Variants in GAS2 observed in about 807,000 individuals in gnomAD.
GAS2 encodes the protein growth arrest specific 2.
In GAS2, 20 loss-of-function variants were observed where a neutral mutation model predicts 37.5. The ratio of observed to expected loss-of-function variants is 0.53; its 90% CI spans 0.37 to 0.77. The LOEUF (loss-of-function observed/expected upper bound fraction) is 0.77, where lower values mean the gene tolerates loss of function less well. GAS2 is among the 30% of genes least tolerant of loss of function. The pLI, the probability that GAS2 is intolerant of heterozygous loss-of-function variation, is 0.00. For missense variants in GAS2, 336 were observed against 373.4 expected (o/e 0.90, Z 0.82); for synonymous variants, 144 against 132.2 (o/e 1.09, Z -0.61).
At chr11:22,792,861 T>C (rs1453868484) in intron 7 of GAS2, among the ~76,000 whole-genome samples, 1 of 152,230 alleles carries the variant, frequency 6.6e-6, no homozygotes, top group Admixed American at 6.5e-5. Flanking sequence ...CTACTCATAT[T>C]GGAAAATGAG....
At chr11:22,639,035 G>A (rs1858876863) in intron 1 of GAS2, among the ~76,000 whole-genome samples, 1 of 152,120 alleles carries the variant, frequency 6.6e-6, no homozygotes, top group Non-Finnish European at 1.5e-5. Context: ...ACTATAAAGA[G>A]CAAGCTGGAA....
upstream of GAS2, among the ~76,000 whole-genome samples, chr11:22,666,063 G>C (rs1177517471): frequency 6.6e-6 from 1 of 152,250 alleles, no homozygotes; most frequent in Admixed American, 6.5e-5. Flanking sequence ...AGGTGAATCA[G>C]ACACTTGAAC....
Position 22,757,140 on chromosome 11 carries a change from C to T in GAS2, c.723+1187C>T, listed in dbSNP as rs138952158. On this transcript the variant is annotated intron_variant, in intron 7 of 7. Transcript: ENST00000454584. ...TTGTAATAAAAGTGTTAATAAAGCA[C>T]ATGATTAATAAATTATATACTTCTC... Among the ~76,000 whole-genome samples, 1,072 of 152,118 alleles carry T rather than the reference C, an allele frequency of 7.0e-3. 9 individuals are homozygous for T. The highest frequency in any genetic ancestry group is 0.017 in the Middle Eastern group (5 of 292).
At chr11:22,688,311 A>G (rs337472) in intron 3 of GAS2, 2 of 151,912 alleles carry the variant, frequency 1.3e-5, no homozygotes, top group Admixed American at 6.6e-5. Flanking sequence ...AGACCCTTGT[A>G]AGTATTTTCG....
At chr11:22,808,935 C>G (rs1483265696) in intron 7 of GAS2, among the ~76,000 whole-genome samples, 1 of 152,132 alleles carries the variant, frequency 6.6e-6, no homozygotes, top group Non-Finnish European at 1.5e-5. Context: ...GATTTTATTT[C>G]TTTAGTGAAA....
chr11:22,656,785 GAT>G (rs1491277998), intron 1 of GAS2, among the ~76,000 whole-genome samples: 1 of 151,690 alleles, frequency 6.6e-6, no homozygotes, highest in African/African-American at 2.4e-5. Context: ...TGTTTGTCAT[GAT>G]GTGTGTGTGT....
intron 1 of GAS2, among the ~76,000 whole-genome samples, chr11:22,634,280 A>C (rs1239117470): frequency 6.6e-6 from 1 of 152,202 alleles, no homozygotes; most frequent in African/African-American, 2.4e-5. Flanking sequence ...TGCTCCCATG[A>C]TTCAGTTATC....
intron 7 of GAS2, among the ~76,000 whole-genome samples, chr11:22,795,262 G>T (rs900094046): frequency 2.0e-5 from 3 of 152,074 alleles, no homozygotes; most frequent in Non-Finnish European, 4.4e-5. Flanking sequence ...TGTGTGTCCT[G>T]GTATTTTTAT....
intron 7 of GAS2, among the ~76,000 whole-genome samples, chr11:22,758,760 A>G (rs1854192123): frequency 1.3e-5 from 2 of 152,042 alleles, no homozygotes; most frequent in African/African-American, 4.8e-5. Flanking sequence ...TTAAAAATAC[A>G]AAATTAGCTG....
At chr11:22,697,252 G>A (rs1850574108) in intron 3 of GAS2, among the ~76,000 whole-genome samples, 1 of 151,858 alleles carries the variant, frequency 6.6e-6, no homozygotes, top group Non-Finnish European at 1.5e-5. Flanking sequence ...TCAGATAGTT[G>A]TAGATAAGTG....
intron 1 of GAS2, among the ~76,000 whole-genome samples, chr11:22,652,678 G>C (rs902919143): frequency 6.6e-6 from 1 of 152,196 alleles, no homozygotes. Context: ...GGAGTGACCC[G>C]ATTTTCCAGG....
At chr11:22,760,338 A>G (rs1490390816) in intron 7 of GAS2, among the ~76,000 whole-genome samples, 4 of 152,146 alleles carry the variant, frequency 2.6e-5, no homozygotes, top group Non-Finnish European at 4.4e-5. Context: ...ATCATTTGGA[A>G]ACTTGTTAGA....
At chr11:22,797,335 A>G (rs1381042666) in intron 7 of GAS2, among the ~76,000 whole-genome samples, 1 of 152,082 alleles carries the variant, frequency 6.6e-6, no homozygotes, top group African/African-American at 2.4e-5. Context: ...CAATGAGCCT[A>G]CTTTATGAAG....
At chr11:22,692,300 C>T (rs183203740) in intron 3 of GAS2, among the ~76,000 whole-genome samples, 4 of 152,200 alleles carry the variant, frequency 2.6e-5, no homozygotes, top group East Asian at 1.9e-4. Flanking sequence ...CCCAGAAAAT[C>T]GGAGACAAGT....
intron 7 of GAS2, among the ~76,000 whole-genome samples, chr11:22,800,990 A>G (rs1856637708): frequency 6.6e-6 from 1 of 151,914 alleles, no homozygotes; most frequent in Non-Finnish European, 1.5e-5. Context: ...TTACTTTTTC[A>G]TTTAGTAAAA....
At chr11:22,752,563 G>T (rs1006057426) in intron 6 of GAS2, among the ~76,000 whole-genome samples, 8 of 151,846 alleles carry the variant, frequency 5.3e-5, no homozygotes, top group Non-Finnish European at 1.0e-4. Flanking sequence ...ATAAAATAGA[G>T]ATTGCTTGCA....
intron 3 of GAS2, among the ~76,000 whole-genome samples, chr11:22,724,242 AGT>A: frequency 6.6e-6 from 1 of 151,956 alleles, no homozygotes; most frequent in Non-Finnish European, 1.5e-5. Flanking sequence ...TCTGCTTAAG[AGT>A]ATATTCTGAA....
chr11:22,662,719 G>T (rs1281148849), upstream of GAS2, among the ~76,000 whole-genome samples: 1 of 151,790 alleles, frequency 6.6e-6, no homozygotes, highest in African/African-American at 2.4e-5. Flanking sequence ...TACTGCATAG[G>T]ATATTTAAAA....
At chr11:22,744,972 T>C (rs1395443540) in intron 5 of GAS2, among the ~76,000 whole-genome samples, 1 of 151,756 alleles carries the variant, frequency 6.6e-6, no homozygotes, top group African/African-American at 2.4e-5. Context: ...AAAGAAATAA[T>C]AGATGACACA....
Sources: allele counts gnomAD v4.1 joint callset (sites outside exome capture counted in the v4.1 genomes callset), GRCh38; gene constraint gnomAD v4.1.1; transcripts MANE v1.5; gene names NCBI Gene and HGNC (gene_info 2026-07-23, HGNC 2026-07-21).